ZNF544: variants seen among roughly 807,000 people sequenced by gnomAD.
ZNF544 encodes the protein zinc finger protein AF020591.
A neutral mutation model predicts 13.5 loss-of-function variants in ZNF544; 10 were observed. The observed-to-expected ratio is 0.74, with a 90% CI of 0.46 to 1.25. The LOEUF (loss-of-function observed/expected upper bound fraction) is 1.25. Among genes scored for constraint, ZNF544 ranks in the 50% most tolerant of loss-of-function variants. The probability of loss-of-function intolerance (pLI) is 0.00; values close to 1 mark genes in which losing one functional copy is unlikely to be tolerated. For missense variants in ZNF544, 896 were observed against 845.6 expected (o/e 1.06, Z -0.74); for synonymous variants, 323 against 300.5 (o/e 1.07, Z -0.77).
chr19:58,249,741 A>G (rs6510128), intron 6 of ZNF544, among the ~76,000 whole-genome samples: 55,035 of 152,012 alleles, frequency 0.36, 10,422 homozygotes, highest in Middle Eastern at 0.52. Flanking sequence ...AGGAGATCTC[A>G]TCCCCTTCTG....
intron 5 of ZNF544, among the ~76,000 whole-genome samples, chr19:58,271,724 A>C (rs1026617456): frequency 2.6e-5 from 4 of 152,192 alleles, no homozygotes; most frequent in African/African-American, 4.8e-5. Flanking sequence ...GATAACTAAC[A>C]AATTATTTCA....
rs2046101636 is a variant in ZNF544 at position 58,250,377 on chromosome 19, T to C, written c.244+3583T>C. On this transcript the variant is annotated intron_variant, in intron 6 of 6. Coordinates refer to ENST00000687789, the MANE Select transcript of ZNF544 (RefSeq NM_014480.4). ...GGGAACCAAAAGATAACTAGATGTC[T>C]GAGGATTAGTGCAGTCTTCCCAAGG... Among the ~76,000 whole-genome samples the C allele has an allele frequency of 2.0e-5, 3 of 152,350 alleles. No homozygotes were observed. In the South Asian group the frequency reaches 6.2e-4, roughly 32 times the overall value.
In ZNF544 at chr19:58,263,400, G is replaced by A; in HGVS notation, c.*646G>A. On this transcript the variant is annotated 3_prime_UTR_variant, in exon 7 of 7. Transcript: ENST00000687789. ...CACTTGAGCTTGGGAGGCGGTGGTT[G>A]CAGTGAGCTGTGATCATGCCATCAC... 5.1e-6 allele frequency: 5 copies of A among 981,256 alleles called. No homozygotes were observed. Among genetic ancestry groups the A allele is most frequent in the Non-Finnish European group, 6.1e-6 (5 of 826,280 alleles). The allele number at this position is 981,256 out of a possible 1,614,324, so 60.8% of individuals were successfully genotyped here.
At chr19:58,263,790 C>A, downstream of ZNF544, 1 of 166,118 alleles carries the variant, frequency 6.0e-6, no homozygotes, top group Non-Finnish European at 1.2e-5. Flanking sequence ...GCAAAACTGT[C>A]TCTATTAAAA....
chr19:58,250,071 A>C (rs1197759245), intron 6 of ZNF544, among the ~76,000 whole-genome samples: 1 of 152,222 alleles, frequency 6.6e-6, no homozygotes, highest in Non-Finnish European at 1.5e-5. Flanking sequence ...AAACAAGTGT[A>C]AAGGTTCTAG....
At chr19:58,243,582 G>T in intron 3 of ZNF544, among the ~76,000 whole-genome samples, 1 of 151,866 alleles carries the variant, frequency 6.6e-6, no homozygotes, top group Middle Eastern at 3.2e-3. Context: ...CTGCTGGGGA[G>T]TGTCACATCC....
chr19:58,240,471 A>G (rs1017997696), intron 3 of ZNF544, among the ~76,000 whole-genome samples: 1 of 151,898 alleles, frequency 6.6e-6, no homozygotes, highest in African/African-American at 2.4e-5. Flanking sequence ...GTTAGCCAGG[A>G]TGGTCTCTAT....
intron 3 of ZNF544, among the ~76,000 whole-genome samples, chr19:58,238,467 C>T (rs896289239): frequency 6.6e-6 from 1 of 152,088 alleles, no homozygotes. Flanking sequence ...GCTTGTGGAG[C>T]GGTGCATAGT....
rs2042344934 is a variant in ZNF544, at chr19:58,236,211, AAAACAG to A, written c.-60+5756_-60+5761del. Among the ~76,000 whole-genome samples the A allele has an allele frequency of 1.3e-5, 2 of 151,912 alleles. 1 individual carries two copies. The highest frequency in any genetic ancestry group is 4.2e-4 in the South Asian group (2 of 4,808). On this transcript the variant is annotated intron_variant, in intron 3 of 6. Coordinates refer to ENST00000687789, the MANE Select transcript of ZNF544 (RefSeq NM_014480.4). ...ATGATGAAACCCCATCTCTATTTTG[AAAACAG>A]AAACAGCCAGGCACGGTGACTCACG...
chr19:58,242,290 C>T (rs2044057217), intron 3 of ZNF544: 2 of 985,042 alleles, frequency 2.0e-6, no homozygotes, highest in African/African-American at 3.5e-5. Context: ...AGAGGTTTCC[C>T]AAGCCTTTGA....
chr19:58,236,563 A>G (rs1195229648), intron 3 of ZNF544, among the ~76,000 whole-genome samples: 2 of 151,902 alleles, frequency 1.3e-5, no homozygotes, highest in African/African-American at 4.8e-5. Context: ...ATTTTGAGAT[A>G]TATACTTATA....
chr19:58,241,241 G>A (rs923934797), intron 3 of ZNF544, among the ~76,000 whole-genome samples: 2 of 95,776 alleles, frequency 2.1e-5, no homozygotes, highest in South Asian at 6.4e-4. Flanking sequence ...CGAACTCCTG[G>A]GCTCAAACGA....
chr19:58,236,744 C>CTT (rs112780440), intron 3 of ZNF544, among the ~76,000 whole-genome samples: 19 of 139,918 alleles, frequency 1.4e-4, no homozygotes, highest in South Asian at 4.6e-4. Flanking sequence ...TTCTGTGAAA[C>CTT]TTTTTTTTTT....
intron 6 of ZNF544, among the ~76,000 whole-genome samples, chr19:58,260,145 T>C (rs1026230156): frequency 2.6e-4 from 40 of 152,106 alleles, no homozygotes; most frequent in African/African-American, 7.7e-4. Context: ...ATCTGGACAG[T>C]TCCTTTTTCC....
At chr19:58,273,003 G>A (rs1438604670) in intron 5 of ZNF544, among the ~76,000 whole-genome samples, 2 of 151,844 alleles carry the variant, frequency 1.3e-5, no homozygotes, top group African/African-American at 4.8e-5. Flanking sequence ...CTAACATGGT[G>A]AAACCCATCT....
At chr19:58,275,129 T>C (rs1292494851) in intron 5 of ZNF544, among the ~76,000 whole-genome samples, 1 of 152,082 alleles carries the variant, frequency 6.6e-6, no homozygotes, top group Non-Finnish European at 1.5e-5. Context: ...ATTCCACCCA[T>C]AATTAAACAC....
chr19:58,242,163 A>C (rs2044034034), intron 3 of ZNF544: 1 of 860,876 alleles, frequency 1.2e-6, no homozygotes, highest in East Asian at 1.2e-4. Context: ...GCTGGGGTGA[A>C]GTCCCAGCAG....
chr19:58,276,607 A>T (rs1323609331), intron 6 of ZNF544, among the ~76,000 whole-genome samples: 6 of 152,126 alleles, frequency 3.9e-5, no homozygotes, highest in Non-Finnish European at 8.8e-5. Context: ...ATCTGGGATT[A>T]CAGGTGCCCG....
At chr19:58,252,503 C>T (rs1050153733) in intron 6 of ZNF544, among the ~76,000 whole-genome samples, 1 of 152,210 alleles carries the variant, frequency 6.6e-6, no homozygotes, top group African/African-American at 2.4e-5. Context: ...CTCTCTCTCC[C>T]GTACTTACTG....
Sources: allele counts gnomAD v4.1 joint callset (sites outside exome capture counted in the v4.1 genomes callset), GRCh38; gene constraint gnomAD v4.1.1; transcripts MANE v1.5; gene names NCBI Gene and HGNC (gene_info 2026-07-23, HGNC 2026-07-21).